The following KAZN variants were observed in gnomAD, a reference collection of about 807,000 sequenced individuals.
KAZN encodes the protein kazrin, periplakin interacting protein.
In KAZN, 40 loss-of-function variants were observed where a neutral mutation model predicts 87.4. The ratio of observed to expected loss-of-function variants is 0.46; its 90% CI spans 0.36 to 0.60. KAZN has a LOEUF of 0.60. Among genes scored for constraint, KAZN ranks in the 20% least tolerant of loss-of-function variants. KAZN has a pLI of 0.00. For synonymous variants in KAZN, 466 were observed against 458.3 expected, an observed-to-expected ratio of 1.02 and a Z score of -0.22; for missense variants, 898 against 1,073.9, an observed-to-expected ratio of 0.84 and a Z score of 2.29.
intron 1 of KAZN, among the ~76,000 whole-genome samples, chr1:14,680,495 G>A (rs2148758310): frequency 6.6e-6 from 1 of 152,236 alleles, no homozygotes; most frequent in South Asian, 2.1e-4. Context: ...TGTGCAGAAT[G>A]TGCAGGTTTG....
rs1291141229 is a variant in KAZN at position 13,918,802 on chromosome 1, G to A, written c.91+25046G>A. ...TCCACCAGTAAAAAGATTACAACTT[G>A]CTAAAGGCTCAGAAGAGTATTAGCA... On this transcript the variant is annotated intron_variant, in intron 1 of 16. Coordinates refer to the KAZN transcript ENST00000636203. Among the ~76,000 whole-genome samples the A allele has an allele frequency of 2.6e-5, 4 of 152,300 alleles. No individual in the cohort carries two copies. The East Asian group carries it at 7.7e-4, about 29-fold the overall frequency.
chr1:14,418,315 C>T (rs948051546), intron 2 of KAZN, among the ~76,000 whole-genome samples: 2 of 152,142 alleles, frequency 1.3e-5, no homozygotes, highest in Admixed American at 6.5e-5. Context: ...ATTTCCTCCC[C>T]AGGAAAGTCT....
At chr1:14,414,630 A>ATGTG (rs1014683562) in intron 2 of KAZN, among the ~76,000 whole-genome samples, 1 of 148,948 alleles carries the variant, frequency 6.7e-6, no homozygotes, top group Admixed American at 6.6e-5. Flanking sequence ...GTGTGTGTGT[A>ATGTG]TGTGTGTGTG....
chr1:14,987,521 A>G (rs1483590597), intron 2 of KAZN, among the ~76,000 whole-genome samples: 1 of 152,114 alleles, frequency 6.6e-6, no homozygotes, highest in Non-Finnish European at 1.5e-5. Context: ...TCACTCTGGA[A>G]CAGGAGCCTT....
At chr1:14,504,786 G>T (rs1345653032) in intron 2 of KAZN, among the ~76,000 whole-genome samples, 1 of 152,188 alleles carries the variant, frequency 6.6e-6, no homozygotes, top group Non-Finnish European at 1.5e-5. Context: ...AGTGCTGTAG[G>T]ATAAATTTGT....
intron 2 of KAZN, among the ~76,000 whole-genome samples, chr1:14,482,837 A>G (rs529894822): frequency 2.5e-4 from 38 of 152,174 alleles, no homozygotes; most frequent in African/African-American, 7.2e-5. Flanking sequence ...ACGGGAGCTA[A>G]TATAACTTTA....
At chr1:14,838,198 C>T (rs1346783568) in intron 1 of KAZN, among the ~76,000 whole-genome samples, 1 of 152,196 alleles carries the variant, frequency 6.6e-6, no homozygotes, top group Admixed American at 6.5e-5. Context: ...AGAGCTGTGG[C>T]TGTGTGAAGT....
At chr1:14,149,595 A>T (rs1645431370) in intron 1 of KAZN, among the ~76,000 whole-genome samples, 1 of 152,026 alleles carries the variant, frequency 6.6e-6, no homozygotes. Flanking sequence ...GGGCGTTTTC[A>T]TCGGTCACCA....
At chr1:14,479,139 C>T (rs1668934037) in intron 2 of KAZN, among the ~76,000 whole-genome samples, 1 of 152,142 alleles carries the variant, frequency 6.6e-6, no homozygotes. Flanking sequence ...CTCCACACAT[C>T]CAGGCTGTGT....
At chr1:14,600,833 G>T (rs1438614160) in intron 1 of KAZN, among the ~76,000 whole-genome samples, 1 of 152,216 alleles carries the variant, frequency 6.6e-6, no homozygotes, top group African/African-American at 2.4e-5. Flanking sequence ...CCCACTGTCT[G>T]CCCCTTTCTC....
At chr1:15,080,182 T>C (rs1311180989) in intron 8 of KAZN, among the ~76,000 whole-genome samples, 1 of 152,082 alleles carries the variant, frequency 6.6e-6, no homozygotes, top group Non-Finnish European at 1.5e-5. Context: ...AAAGCACAAG[T>C]CTAGGCCTTT....
rs568767697 is a variant in KAZN at position 14,413,515 on chromosome 1, G to A, written c.250-185468G>A. Among the ~76,000 whole-genome samples, 32 of 148,832 alleles carry A rather than the reference G, an allele frequency of 2.2e-4. No individual in the cohort carries two copies. In the South Asian group the frequency reaches 5.5e-3, roughly 26 times the overall value. ...TGAGGCAGGAGAATGGCGTGAAACC[G>A]GAGGCGGAGCTTGCAGTGAGCCGAG... On this transcript the variant is annotated intron_variant, in intron 2 of 16. Coordinates refer to the KAZN transcript ENST00000636203.
chr1:14,170,725 A>AT (rs1331149969), intron 1 of KAZN, among the ~76,000 whole-genome samples: 8 of 90,126 alleles, frequency 8.9e-5, no homozygotes, highest in South Asian at 7.0e-4. Flanking sequence ...CTATTCTGTA[A>AT]TTATTTTTTT....
At position 14,662,885 on chromosome 1, in the gene KAZN, G is replaced by T. The variant is rs1177790563; in HGVS notation, c.226+63662G>T. Among the ~76,000 whole-genome samples, 4 of 145,288 alleles carry T rather than the reference G, an allele frequency of 2.8e-5. No homozygotes were observed. The Admixed American group carries it at 2.8e-4, about 10-fold the overall frequency. On this transcript the variant is annotated intron_variant, in intron 1 of 14. Coordinates refer to ENST00000376030, the MANE Select transcript of KAZN (RefSeq NM_201628.3). ...TTATTGCCAATACTTATATATATAT[G>T]TATATATTATATATGTAAATATATA...
At chr1:14,555,779 C>G (rs943984349) in intron 2 of KAZN, among the ~76,000 whole-genome samples, 1 of 152,208 alleles carries the variant, frequency 6.6e-6, no homozygotes, top group African/African-American at 2.4e-5. Flanking sequence ...AGATCAGACA[C>G]AGATTAAGTG....
At chr1:14,570,015 C>A (rs554721061) in intron 2 of KAZN, among the ~76,000 whole-genome samples, 3 of 151,982 alleles carry the variant, frequency 2.0e-5, no homozygotes, top group South Asian at 2.1e-4. Flanking sequence ...TGGGAGGCCG[C>A]GGCAGGAGAA....
intron 2 of KAZN, among the ~76,000 whole-genome samples, chr1:14,233,969 A>G: frequency 6.6e-6 from 1 of 152,246 alleles, no homozygotes; most frequent in East Asian, 1.9e-4. Context: ...AATTAGTTCA[A>G]CCATTGTGCA....
At chr1:14,729,093 C>T (rs989684646) in intron 1 of KAZN, among the ~76,000 whole-genome samples, 1 of 152,156 alleles carries the variant, frequency 6.6e-6, no homozygotes, top group African/African-American at 2.4e-5. Context: ...CTGCCCGTCT[C>T]CTGCCTCGAA....
intron 1 of KAZN, among the ~76,000 whole-genome samples, chr1:14,167,714 C>T (rs538104820): frequency 3.8e-4 from 57 of 150,766 alleles, no homozygotes; most frequent in African/African-American, 1.3e-3. Flanking sequence ...AAGAGAGAAA[C>T]TCTGTCAAAA....
Sources: allele counts gnomAD v4.1 joint callset (sites outside exome capture counted in the v4.1 genomes callset), GRCh38; gene constraint gnomAD v4.1.1; transcripts MANE v1.5; gene names NCBI Gene and HGNC (gene_info 2026-07-23, HGNC 2026-07-21).